Variants in SOX5 observed in about 807,000 individuals in gnomAD.
SOX5 encodes SRY-box transcription factor 5.
In SOX5, 9 loss-of-function variants were observed where a neutral mutation model predicts 92.0. That is an observed-to-expected ratio of 0.10 (90% CI 0.06 to 0.17). The LOEUF (loss-of-function observed/expected upper bound fraction) is 0.17. Ranked by LOEUF, SOX5 falls within the 10% of genes least tolerant of loss-of-function variation. The pLI is 1.00. For missense variants in SOX5, 642 were observed against 944.5 expected (o/e 0.68, Z 4.20); for synonymous variants, 344 against 336.3 (o/e 1.02, Z -0.25).
At chr12:23,976,541 G>A (rs1371114589) in intron 4 of SOX5, among the ~76,000 whole-genome samples, 1 of 151,744 alleles carries the variant, frequency 6.6e-6, no homozygotes, top group African/African-American at 2.4e-5. Context: ...AAAACTAAAT[G>A]AATATAACAT....
intron 4 of SOX5, among the ~76,000 whole-genome samples, chr12:23,960,883 A>G (rs1294169553): frequency 6.6e-6 from 1 of 152,126 alleles, no homozygotes; most frequent in Non-Finnish European, 1.5e-5. Flanking sequence ...GGAACTGGAC[A>G]GATAGGGGAC....
At chr12:23,786,721 GTAT>G (rs2095386551) in intron 3 of SOX5, among the ~76,000 whole-genome samples, 1 of 145,074 alleles carries the variant, frequency 6.9e-6, no homozygotes, top group Non-Finnish European at 1.5e-5. Flanking sequence ...TGAAAGCCAA[GTAT>G]TATAACATTT....
chr12:23,675,595 A>C (rs2085537968), intron 6 of SOX5, among the ~76,000 whole-genome samples: 1 of 152,228 alleles, frequency 6.6e-6, no homozygotes, highest in Non-Finnish European at 1.5e-5. Context: ...TGAAACAATA[A>C]AAATCCTAGA....
At chr12:24,362,277 A>G (rs1410207830) in intron 2 of SOX5, among the ~76,000 whole-genome samples, 1 of 151,600 alleles carries the variant, frequency 6.6e-6, no homozygotes, top group Admixed American at 6.6e-5. Flanking sequence ...ATCACAGCCA[A>G]AAAAATAATG....
At chr12:24,160,368 G>T (rs1952628858) in intron 4 of SOX5, among the ~76,000 whole-genome samples, 1 of 151,976 alleles carries the variant, frequency 6.6e-6, no homozygotes, top group Non-Finnish European at 1.5e-5. Flanking sequence ...AAGAAGAATG[G>T]CCTAGTGACC....
At chr12:24,395,189 C>T (rs528068270) in intron 1 of SOX5, among the ~76,000 whole-genome samples, 43 of 151,964 alleles carry the variant, frequency 2.8e-4, no homozygotes, top group African/African-American at 9.7e-4. Context: ...ATGAGAACTT[C>T]GCAATCACTC....
intron 4 of SOX5, among the ~76,000 whole-genome samples, chr12:24,032,164 G>A (rs941203054): frequency 2.6e-5 from 4 of 151,516 alleles, no homozygotes; most frequent in Non-Finnish European, 5.9e-5. Flanking sequence ...ATAAACTATG[G>A]GCAAATTATA....
intron 1 of SOX5, among the ~76,000 whole-genome samples, chr12:24,505,930 C>G (rs1566334937): frequency 6.6e-6 from 1 of 151,606 alleles, no homozygotes; most frequent in Non-Finnish European, 1.5e-5. Flanking sequence ...CTGAGAGTTT[C>G]CCTACTGTGA....
chr12:24,134,535 G>T (rs908881845), intron 4 of SOX5, among the ~76,000 whole-genome samples: 1 of 151,764 alleles, frequency 6.6e-6, no homozygotes, highest in African/African-American at 2.4e-5. Flanking sequence ...TATAACACAT[G>T]CACACACACA....
intron 2 of SOX5, among the ~76,000 whole-genome samples, chr12:24,365,420 T>G (rs1269242598): frequency 6.6e-6 from 1 of 152,062 alleles, no homozygotes; most frequent in Non-Finnish European, 1.5e-5. Context: ...AAAAGGTTAA[T>G]TTCTTCCCAA....
rs1254455034 is a variant in SOX5 at position 23,577,176 on chromosome 12, C to CATATATAT, written c.1165-1346_1165-1339dup. On this transcript the variant is annotated intron_variant, in intron 9 of 14. Transcript: ENST00000451604. Reference sequence around the variant, plus strand: ...ACACACACACACACACACACACACACATATATATATATATATTTTTTTTTT... The same window carrying CATATATAT: ...ACACACACACACACACACACACACACATATATATATATATATATATATATTTTTTTTTT... 3.6e-3 allele frequency among the ~76,000 whole-genome samples: 276 copies of CATATATAT among 76,926 alleles called. 7 individuals are homozygous for CATATATAT. The highest frequency in any genetic ancestry group is 0.017 in the Middle Eastern group (2 of 118). The allele number at this position is 76,926 out of a possible 152,430, so 50.5% of individuals were successfully genotyped here.
At chr12:24,382,853 A>G (rs1379343767) in intron 1 of SOX5, among the ~76,000 whole-genome samples, 1 of 152,094 alleles carries the variant, frequency 6.6e-6, no homozygotes, top group African/African-American at 2.4e-5. Flanking sequence ...GGAAGAATAG[A>G]TTTACCCTTA....
At chr12:23,578,451 C>T (rs1949579020) in intron 9 of SOX5, among the ~76,000 whole-genome samples, 1 of 151,798 alleles carries the variant, frequency 6.6e-6, no homozygotes, top group South Asian at 2.1e-4. Context: ...GTAAGAGCCA[C>T]TGCCTCGTAT....
intron 1 of SOX5, among the ~76,000 whole-genome samples, chr12:24,484,413 C>T (rs1946312028): frequency 6.6e-6 from 1 of 152,138 alleles, no homozygotes; most frequent in African/African-American, 2.4e-5. Flanking sequence ...CACCTTGCTG[C>T]CTTTTGCTAG....
intron 3 of SOX5, among the ~76,000 whole-genome samples, chr12:24,238,253 G>A (rs183852638): frequency 6.6e-6 from 1 of 152,278 alleles, no homozygotes; most frequent in East Asian, 1.9e-4. Flanking sequence ...GTGGATAGCA[G>A]AGAGGCAGAG....
At chr12:24,122,392 T>C (rs1036125923) in intron 4 of SOX5, among the ~76,000 whole-genome samples, 4 of 152,314 alleles carry the variant, frequency 2.6e-5, no homozygotes, top group African/African-American at 9.6e-5. Context: ...GCTTGTTGAC[T>C]TTCTAGAAAG....
intron 4 of SOX5, among the ~76,000 whole-genome samples, chr12:24,160,503 A>T (rs1429955298): frequency 6.6e-6 from 1 of 152,036 alleles, no homozygotes; most frequent in Non-Finnish European, 1.5e-5. Context: ...ACTTTCTGTT[A>T]TTAGAAAGAT....
intron 1 of SOX5, among the ~76,000 whole-genome samples, chr12:24,503,503 C>T (rs953299408): frequency 6.6e-6 from 1 of 152,186 alleles, no homozygotes; most frequent in Admixed American, 6.5e-5. Context: ...CAAGACTGAG[C>T]AACTATAAAC....
chr12:24,243,475 T>C (rs867618347), intron 3 of SOX5, among the ~76,000 whole-genome samples: 1 of 152,184 alleles, frequency 6.6e-6, no homozygotes, highest in Non-Finnish European at 1.5e-5. Context: ...AGCTTTTTAG[T>C]AATTCAAAGA....
Sources: allele counts gnomAD v4.1 joint callset (sites outside exome capture counted in the v4.1 genomes callset), GRCh38; gene constraint gnomAD v4.1.1; transcripts MANE v1.5; gene names NCBI Gene and HGNC (gene_info 2026-07-23, HGNC 2026-07-21).